Variants in TMPRSS15 observed in about 807,000 individuals in gnomAD.
TMPRSS15 encodes the protein transmembrane serine protease 15, also known as enteropeptidase.
A neutral mutation model predicts 125.3 loss-of-function variants in TMPRSS15; 128 were observed. The ratio of observed to expected loss-of-function variants is 1.02; its 90% CI spans 0.89 to 1.18. The LOEUF is 1.18. Ranked by LOEUF, TMPRSS15 falls within the 50% of genes most tolerant of loss-of-function variation. The pLI is 0.00. For missense variants in TMPRSS15, 1,283 were observed against 1,212.7 expected, an observed-to-expected ratio of 1.06 and a Z score of -0.86; for synonymous variants, 446 against 423.2, an observed-to-expected ratio of 1.05 and a Z score of -0.66.
intron 9 of TMPRSS15, among the ~76,000 whole-genome samples, chr21:18,353,433 A>G (rs1312236544): frequency 6.6e-6 from 1 of 151,894 alleles, no homozygotes; most frequent in Non-Finnish European, 1.5e-5. Context: ...TCTCTGAATT[A>G]GTTTTATGCT....
chr21:18,281,604 C>T (rs79552700), intron 21 of TMPRSS15, among the ~76,000 whole-genome samples: 10,587 of 152,112 alleles, frequency 0.07, 1,065 homozygotes, highest in African/African-American at 0.23. Context: ...AAAAATACTT[C>T]TAAAATTAAA....
chr21:18,315,144 A>G lies in TMPRSS15; in HGVS notation c.2032+2T>C, dbSNP rs1237425077. 10 of 1,610,478 alleles carry G rather than the reference A, an allele frequency of 6.2e-6. No homozygotes were observed. The highest frequency in any genetic ancestry group is 8.5e-6 in the Non-Finnish European group (10 of 1,177,506). On this transcript the variant is annotated splice_donor_variant, in intron 17 of 24. Transcript: ENST00000284885. LOFTEE classifies it high-confidence loss of function. Reference sequence around the variant, plus strand: ...AAGTATTTTCCTAAAAATAAGACATACCACAATCTGCTTCATCTGAGCCAT... The same window carrying G: ...AAGTATTTTCCTAAAAATAAGACATGCCACAATCTGCTTCATCTGAGCCAT...
chr21:18,366,586 A>C (rs1601398675), intron 6 of TMPRSS15, among the ~76,000 whole-genome samples: 1 of 152,244 alleles, frequency 6.6e-6, no homozygotes, highest in East Asian at 1.9e-4. Context: ...TTTTTCATAC[A>C]CTTGCTATGT....
At chr21:18,275,109 CTT>C (rs980302459) in intron 24 of TMPRSS15, 86 bp downstream of exon 24, 1 of 1,520,486 alleles carries the variant, frequency 6.6e-7, no homozygotes, top group African/African-American at 1.4e-5. Context: ...AAGCTTATTT[CTT>C]TACTCCCTAA....
At chr21:18,326,694 A>G in intron 15 of TMPRSS15, 122 bp from the exon 16 acceptor site, 5 of 1,034,034 alleles carry the variant, frequency 4.8e-6, no homozygotes, top group Non-Finnish European at 7.4e-6. Context: ...TCGCTCATAG[A>G]GCAGCCACAA....
intron 22 of TMPRSS15, among the ~76,000 whole-genome samples, chr21:18,280,374 A>C (rs1170214493): frequency 1.3e-5 from 2 of 152,106 alleles, no homozygotes; most frequent in African/African-American, 4.8e-5. Flanking sequence ...CAAGAGATCG[A>C]GATCATCCTG....
intron 14 of TMPRSS15, among the ~76,000 whole-genome samples, chr21:18,329,575 A>T (rs1005859139): frequency 2.0e-5 from 3 of 151,516 alleles, no homozygotes; most frequent in Non-Finnish European, 4.4e-5. Flanking sequence ...CAAAGTTTAC[A>T]AATATTATTT....
intron 1 of TMPRSS15, among the ~76,000 whole-genome samples, chr21:18,477,177 T>C (rs2123288579): frequency 6.6e-6 from 1 of 152,252 alleles, no homozygotes; most frequent in South Asian, 2.1e-4. Context: ...CAAACCAATC[T>C]TACCGAGTTA....
intron 1 of TMPRSS15, among the ~76,000 whole-genome samples, chr21:18,438,913 T>C (rs1251343518): frequency 6.6e-6 from 1 of 152,210 alleles, no homozygotes; most frequent in Non-Finnish European, 1.5e-5. Flanking sequence ...TTGTAGAACA[T>C]TCTTTTGTTT....
chr21:18,406,184 T>C (rs2076151476), upstream of TMPRSS15, among the ~76,000 whole-genome samples: 1 of 152,152 alleles, frequency 6.6e-6, no homozygotes, highest in Non-Finnish European at 1.5e-5. Flanking sequence ...CATAGGCATC[T>C]GGAACATAAG....
intron 1 of TMPRSS15, among the ~76,000 whole-genome samples, chr21:18,445,615 G>T (rs2076254107): frequency 6.6e-6 from 1 of 152,048 alleles, no homozygotes; most frequent in Non-Finnish European, 1.5e-5. Flanking sequence ...CATTCACCAT[G>T]ATCTAGTGGG....
chr21:18,419,647 A>G (rs925858801), intron 1 of TMPRSS15, among the ~76,000 whole-genome samples: 3 of 152,118 alleles, frequency 2.0e-5, no homozygotes, highest in South Asian at 2.1e-4. Flanking sequence ...AATTTTAACT[A>G]TGGAGATCCA....
At chr21:18,283,213 A>G (rs1023665101) in intron 21 of TMPRSS15, among the ~76,000 whole-genome samples, 3 of 152,096 alleles carry the variant, frequency 2.0e-5, no homozygotes, top group African/African-American at 7.2e-5. Flanking sequence ...ACAGAGCCAA[A>G]TCTCTTCCCT....
intron 18 of TMPRSS15, among the ~76,000 whole-genome samples, chr21:18,306,110 A>G (rs2075036043): frequency 6.6e-6 from 1 of 152,188 alleles, no homozygotes; most frequent in Non-Finnish European, 1.5e-5. Flanking sequence ...GAAATCATCT[A>G]AAGCCAAAGG....
At chr21:18,365,449 ATTCT>A (rs965650098) in intron 6 of TMPRSS15, among the ~76,000 whole-genome samples, 7 of 151,926 alleles carry the variant, frequency 4.6e-5, no homozygotes, top group African/African-American at 1.2e-4. Context: ...TTTTGGAAAA[ATTCT>A]TTCTTTCTCT....
chr21:18,374,414 A>T (rs1033285591), intron 5 of TMPRSS15, among the ~76,000 whole-genome samples: 1 of 137,436 alleles, frequency 7.3e-6, no homozygotes, highest in African/African-American at 2.7e-5. Context: ...CGGAGCTTGC[A>T]GTGAGCCGAG....
rs2146969593 is a variant in TMPRSS15 at position 18,332,072 on chromosome 21, G to T, written c.1654+12C>A. The T allele has an allele frequency of 1.2e-6, 2 of 1,608,788 alleles. No individual in the cohort carries two copies. The highest frequency in any genetic ancestry group is 2.2e-5 in the East Asian group (1 of 44,832). On this transcript the variant is annotated intron_variant, in intron 14 of 24. Transcript: ENST00000284885. ...CATTTGTTTCTGATGACCTGGAAAA[G>T]AAATGACTCACAGAAAGCCAGATTA...
chr21:18,381,346 G>A (rs1346902916), intron 4 of TMPRSS15, among the ~76,000 whole-genome samples: 1 of 152,022 alleles, frequency 6.6e-6, no homozygotes, highest in Admixed American at 6.6e-5. Flanking sequence ...AAATTTATGT[G>A]ACTTTTCATA....
chr21:18,309,279 C>T (rs985138133), intron 18 of TMPRSS15, among the ~76,000 whole-genome samples: 2 of 152,004 alleles, frequency 1.3e-5, no homozygotes, highest in South Asian at 2.1e-4. Flanking sequence ...AAGACTTAAA[C>T]GTAAGACCTA....
Sources: allele counts gnomAD v4.1 joint callset (sites outside exome capture counted in the v4.1 genomes callset), GRCh38; gene constraint gnomAD v4.1.1; transcripts MANE v1.5; gene names NCBI Gene and HGNC (gene_info 2026-07-23, HGNC 2026-07-21).